The following CFH variants were observed in gnomAD, a reference collection of about 807,000 sequenced individuals.
CFH encodes the protein complement factor H, also known as H factor 1 (complement).
In CFH, 53 loss-of-function variants were observed where a neutral mutation model predicts 147.3. That is an observed-to-expected ratio of 0.36 (90% CI 0.29 to 0.45). CFH has a LOEUF of 0.45. Among genes scored for constraint, CFH ranks in the 20% least tolerant of loss-of-function variants. The pLI, the probability that CFH is intolerant of heterozygous loss-of-function variation, is 1.00. For missense variants in CFH, 1,380 were observed against 1,498.0 expected (o/e 0.92, Z 1.30); for synonymous variants, 536 against 489.4 (o/e 1.10, Z -1.26).
At chr1:196,714,701 A>AGAGAGG (rs4044882) in intron 10 of CFH, among the ~76,000 whole-genome samples, 3,102 of 68,428 alleles carry the variant, frequency 0.045, 198 homozygotes, top group East Asian at 0.08. Context: ...AGAGAGAGAG[A>AGAGAGG]GAGAGAGAGA....
intron 1 of CFH, among the ~76,000 whole-genome samples, chr1:196,663,092 T>C (rs1335046163): frequency 6.6e-6 from 1 of 152,214 alleles, no homozygotes; most frequent in Non-Finnish European, 1.5e-5. Flanking sequence ...ATTTTCTCTT[T>C]GGTTTTCTGC....
rs1366929531 is a variant in CFH at position 196,742,048 on chromosome 1, A to G, written c.3130A>G (p.Arg1044Gly). 3.7e-6 allele frequency: 6 copies of G among 1,613,936 alleles called. No homozygotes were observed. The highest frequency in any genetic ancestry group is 2.7e-5 in the African/African-American group (2 of 74,920). ...NSRWTGRPTC[R>G]DTSCVNPPTV... ...CAGATGGACAGGAAGGCCAACATGC[A>G]GAGGTACTTTGGTGAATTTTCAAAA... is the stretch of plus-strand genomic sequence containing the variant. Residue 1044 changes from arginine to glycine, a missense_variant, in exon 19 of 22, where the codon AGA becomes GGA. Arg to Gly is a moderately radical substitution (Grantham distance 125). Coordinates refer to ENST00000367429, the MANE Select transcript of CFH (RefSeq NM_000186.4).
chr1:196,717,425 A>G (rs1668897126), intron 11 of CFH, among the ~76,000 whole-genome samples: 1 of 152,160 alleles, frequency 6.6e-6, no homozygotes, highest in African/African-American at 2.4e-5. Context: ...TATCATTATC[A>G]AAGTGATAAA....
intron 9 of CFH, among the ~76,000 whole-genome samples, chr1:196,692,966 G>A (rs1195970615): frequency 1.5e-5 from 2 of 131,006 alleles, no homozygotes; most frequent in East Asian, 2.4e-4. Context: ...TCTGGCTCAA[G>A]TTATTCTTAA....
At chr1:196,676,293 T>A (rs1465866228) in intron 4 of CFH, among the ~76,000 whole-genome samples, 1 of 152,114 alleles carries the variant, frequency 6.6e-6, no homozygotes, top group African/African-American at 2.4e-5. Context: ...TATTAGACAT[T>A]AAGGAATCTA....
chr1:196,663,751 C>T (rs1666983865), intron 1 of CFH, among the ~76,000 whole-genome samples: 1 of 152,136 alleles, frequency 6.6e-6, no homozygotes, highest in African/African-American at 2.4e-5. Context: ...TTCCTTGGTG[C>T]TCTAAGCAAT....
At position 196,747,227 on chromosome 1, in the gene CFH, G is replaced by T. The variant is rs1653045638; in HGVS notation, c.3610G>T (p.Gly1204Ter). 1 of 1,613,844 alleles carries T rather than the reference G, an allele frequency of 6.2e-7. No homozygotes were observed. The highest frequency in any genetic ancestry group is 8.5e-7 in the Non-Finnish European group (1 of 1,179,876). Residue 1204 changes from glycine (G) to a stop codon, truncating the protein, a stop_gained, in exon 22 of 22, where the codon GGA becomes TGA. Coordinates refer to ENST00000367429, the MANE Select transcript of CFH (RefSeq NM_000186.4). LOFTEE classifies it low-confidence loss of function (END_TRUNC). ...ATCAGTTGAATTTGTGTGTAAACGG[G>T]GATATCGTCTTTCATCACGTTCTCA... Reference protein sequence around the residue: ...GESVEFVCKRGYRLSSRSHTL... With the variant: ...GESVEFVCKR
chr1:196,673,212 T>C (rs768809638), intron 2 of CFH, 49 bp downstream of exon 2: 10 of 1,471,150 alleles, frequency 6.8e-6, no homozygotes, highest in African/African-American at 5.6e-5. Context: ...GGTGTAAAAA[T>C]ACTTAAGATT....
At chr1:196,697,359 A>C (rs1052774608) in intron 9 of CFH, among the ~76,000 whole-genome samples, 8 of 151,968 alleles carry the variant, frequency 5.3e-5, no homozygotes, top group African/African-American at 1.7e-4. Flanking sequence ...ATGAACAGAC[A>C]CTTCTCAAAA....
intron 9 of CFH, chr1:196,700,857 C>A (rs902749134): frequency 2.6e-5 from 26 of 985,188 alleles, no homozygotes; most frequent in Non-Finnish European, 3.1e-5. Flanking sequence ...ACAACCTTGT[C>A]TGCAGCAGAG....
At chr1:196,741,842 T>A in intron 18 of CFH, 33 bp from the exon 19 acceptor site, 1 of 1,602,102 alleles carries the variant, frequency 6.2e-7, no homozygotes, top group South Asian at 1.1e-5. Context: ...TTTTAAAGAT[T>A]TGCGGAACAA....
Position 196,737,608 on chromosome 1 carries a change from A to G in CFH, c.2730A>G (p.Glu910=). The G allele has an allele frequency of 6.2e-7, 1 of 1,613,520 alleles. No homozygotes were observed. The highest frequency in any genetic ancestry group is 1.1e-5 in the South Asian group (1 of 91,072). The change falls in exon 17 of 22, where the codon GAA becomes GAG. Residue 910 remains glutamate, a synonymous_variant. Transcript: ENST00000367429. ...AGGGTGGTTTCAGGATATCTGAAGA[A>G]AATGAAACAACATGCTACATGGGAA... ...TCEGGFRISE[E]NETTCYMGKW... is the part of the protein sequence containing the mutation.
chr1:196,728,130 G>GTA (rs34799930), intron 14 of CFH, among the ~76,000 whole-genome samples: 1,815 of 152,016 alleles, frequency 0.012, 27 homozygotes, highest in African/African-American at 0.04. Flanking sequence ...CTTCTGATAG[G>GTA]TATCTCTAAC....
At chr1:196,653,231 G>A (rs1215771660) in intron 1 of CFH, among the ~76,000 whole-genome samples, 3 of 151,640 alleles carry the variant, frequency 2.0e-5, no homozygotes, top group Non-Finnish European at 3.0e-5. Flanking sequence ...TTGAAAGGTT[G>A]AATTATTTTC....
chr1:196,729,493 T>C (rs1378603374), intron 15 of CFH, among the ~76,000 whole-genome samples: 1 of 152,008 alleles, frequency 6.6e-6, no homozygotes, highest in East Asian at 1.9e-4. Context: ...TTTGTTTTCC[T>C]AGTATAGTGT....
chr1:196,704,227 TG>T (rs1428382778), intron 9 of CFH, among the ~76,000 whole-genome samples: 1 of 152,012 alleles, frequency 6.6e-6, no homozygotes, highest in Non-Finnish European at 1.5e-5. Flanking sequence ...CCCGAGTAGC[TG>T]GGATTACAGG....
At chr1:196,714,099 C>A (rs540833353) in intron 10 of CFH, among the ~76,000 whole-genome samples, 182 bp downstream of exon 10, 30 of 151,988 alleles carry the variant, frequency 2.0e-4, no homozygotes, top group Non-Finnish European at 3.5e-4. Context: ...ATTAGTCTGT[C>A]TTTCCATTCA....
chr1:196,666,752 G>T lies in CFH; in HGVS notation c.59-6226G>T, dbSNP rs564891292. On this transcript the variant is annotated intron_variant, in intron 1 of 21. Coordinates refer to ENST00000367429, the MANE Select transcript of CFH (RefSeq NM_000186.4). ...GCGTGAACCCAGGAGTGGAGGTTGTGGTGAGCTGAGATTGGGCACTCCAGC... is the reference window on the plus strand; with the variant it reads ...GCGTGAACCCAGGAGTGGAGGTTGTTGTGAGCTGAGATTGGGCACTCCAGC... 3.3e-5 allele frequency among the ~76,000 whole-genome samples: 5 copies of T among 150,650 alleles called. No homozygotes were observed. The South Asian group carries it at 1.1e-3, about 32-fold the overall frequency.
In CFH at chr1:196,690,353, A is replaced by G. The variant is rs1205822913; in HGVS notation, c.1336+114A>G. 2.8e-6 allele frequency: 4 copies of G among 1,451,192 alleles called. No homozygotes were observed. The African/African-American group carries it at 5.6e-5, about 20-fold the overall frequency. 89.9% of individuals were successfully genotyped at this position (1,451,192 alleles called of 1,614,324 possible). A position where few individuals can be genotyped will look rare whatever the true frequency, so the allele number is the denominator to read the frequency against. On this transcript the variant is annotated intron_variant, in intron 9 of 21. Transcript: ENST00000367429. Reference sequence around the variant, plus strand: ...CAAAATGTTTATGTCACCTTGTTTTACCAATGGACCTATTTAGTTTTTGGT... The same window carrying G: ...CAAAATGTTTATGTCACCTTGTTTTGCCAATGGACCTATTTAGTTTTTGGT...
Sources: allele counts gnomAD v4.1 joint callset (sites outside exome capture counted in the v4.1 genomes callset), GRCh38; gene constraint gnomAD v4.1.1; transcripts MANE v1.5; gene names NCBI Gene and HGNC (gene_info 2026-07-23, HGNC 2026-07-21).